PCDH9: variants seen among roughly 807,000 people sequenced by gnomAD.
The protein encoded by PCDH9 is protocadherin 9.
In PCDH9, 24 loss-of-function variants were observed where a neutral mutation model predicts 70.6. The observed-to-expected ratio is 0.34, with a 90% CI of 0.25 to 0.48. PCDH9 has a LOEUF of 0.48. Ranked by LOEUF, PCDH9 falls within the 20% of genes least tolerant of loss-of-function variation. The probability of loss-of-function intolerance (pLI) is 0.99; values close to 1 mark genes in which losing one functional copy is unlikely to be tolerated. For synonymous variants in PCDH9, 562 were observed against 558.5 expected (o/e 1.01, Z -0.09); for missense variants, 1,281 against 1,503.6 (o/e 0.85, Z 2.45).
chr13:66,304,260 C>CAAAAAAAAAAAAAAAA lies in PCDH9; in HGVS notation c.*379_*394dup, dbSNP rs55837718. The CAAAAAAAAAAAAAAAA allele has an allele frequency of 1.5e-4, 10 of 65,364 alleles. 2 individuals carry two copies. Among genetic ancestry groups the CAAAAAAAAAAAAAAAA allele is most frequent in the Admixed American group, 2.3e-4 (1 of 4,440 alleles). 4.0% of individuals were successfully genotyped at this position (65,364 alleles called of 1,614,324 possible). On this transcript the variant is annotated 3_prime_UTR_variant, in exon 5 of 5. Transcript: ENST00000377865. ...TAGCAGTCCCAGCACAAATCAATGA[C>CAAAAAAAAAAAAAAAA]AAAAAAAAAAAAAAAAAAAAAAAAA... is the stretch of plus-strand genomic sequence containing the variant.
rs559195402 is a variant in PCDH9, at chr13:67,099,384, T to C, written c.3036+126021A>G. On this transcript the variant is annotated intron_variant, in intron 2 of 4. Transcript: ENST00000377865. ...ATGGATTTTTCAATCTGCCATTCAA[T>C]TTGTAAATATGCAAATTAATGAGGT... 2.6e-5 allele frequency among the ~76,000 whole-genome samples: 4 copies of C among 152,318 alleles called. No homozygotes were observed. In the South Asian group the frequency reaches 6.2e-4, roughly 24 times the overall value.
In PCDH9 at chr13:66,304,271, A is replaced by AC. The variant is rs1955421839; in HGVS notation, c.*383_*384insG. On this transcript the variant is annotated 3_prime_UTR_variant, in exon 5 of 5. Coordinates refer to ENST00000377865, the MANE Select transcript of PCDH9 (RefSeq NM_203487.3). ...GCACAAATCAATGACAAAAAAAAAA[A>AC]AAAAAAAAAAAAAAAGCACAATTTT... is the stretch of plus-strand genomic sequence containing the variant. The AC allele has an allele frequency of 6.2e-6, 1 of 160,634 alleles. No individual in the cohort carries two copies. The highest frequency in any genetic ancestry group is 2.4e-5 in the African/African-American group (1 of 41,194). 10.0% of individuals were successfully genotyped at this position (160,634 alleles called of 1,614,324 possible).
intron 2 of PCDH9, chr13:67,205,755 C>T (rs945029288): frequency 1.3e-4 from 20 of 152,106 alleles, no homozygotes; most frequent in African/African-American, 4.6e-4. Flanking sequence ...TCATTTTAAC[C>T]TTTAAATGGA....
intron 2 of PCDH9, among the ~76,000 whole-genome samples, chr13:67,006,910 A>T (rs1164992097): frequency 6.6e-6 from 1 of 152,184 alleles, no homozygotes; most frequent in Non-Finnish European, 1.5e-5. Flanking sequence ...TTTTGCAAAC[A>T]TAGAATTCCA....
At chr13:66,404,417 G>C (rs1014172611) in intron 4 of PCDH9, among the ~76,000 whole-genome samples, 8 of 152,100 alleles carry the variant, frequency 5.3e-5, no homozygotes, top group African/African-American at 1.9e-4. Context: ...TAAGGGAAGG[G>C]GGAGTTTCCA....
chr13:66,564,884 T>C (rs2076630483), intron 4 of PCDH9, among the ~76,000 whole-genome samples: 2 of 152,058 alleles, frequency 1.3e-5, no homozygotes, highest in Admixed American at 6.5e-5. Flanking sequence ...TTTTAATTTT[T>C]GATACCCTGA....
chr13:66,534,907 A>G (rs886515221), intron 4 of PCDH9, among the ~76,000 whole-genome samples: 1 of 152,148 alleles, frequency 6.6e-6, no homozygotes, highest in Non-Finnish European at 1.5e-5. Flanking sequence ...AGCTATAGTT[A>G]TTAATACCTG....
intron 4 of PCDH9, among the ~76,000 whole-genome samples, chr13:66,417,955 T>G (rs2138340396): frequency 6.6e-6 from 1 of 152,284 alleles, no homozygotes; most frequent in East Asian, 1.9e-4. Flanking sequence ...ACTCTGTAGG[T>G]TTTCTGTTCA....
At chr13:66,371,830 T>C (rs1040545733) in intron 4 of PCDH9, among the ~76,000 whole-genome samples, 1 of 152,114 alleles carries the variant, frequency 6.6e-6, no homozygotes, top group Admixed American at 6.6e-5. Context: ...CAGAGCTTTG[T>C]TGCAGAAGTC....
At chr13:66,947,458 T>A (rs773651081) in intron 2 of PCDH9, among the ~76,000 whole-genome samples, 5 of 152,102 alleles carry the variant, frequency 3.3e-5, no homozygotes, top group Non-Finnish European at 5.9e-5. Flanking sequence ...TAATGACAAA[T>A]ACACGGATTA....
intron 3 of PCDH9, among the ~76,000 whole-genome samples, chr13:66,670,954 T>C (rs2078166420): frequency 6.6e-6 from 1 of 151,034 alleles, no homozygotes; most frequent in Non-Finnish European, 1.5e-5. Flanking sequence ...GGTGATATGG[T>C]TTGGCTTTGT....
chr13:66,651,556 T>C (rs9540856), intron 3 of PCDH9, among the ~76,000 whole-genome samples: 144,008 of 152,134 alleles, frequency 0.95, 68,699 homozygotes, highest in East Asian at 1. Flanking sequence ...GACCCAATGA[T>C]TTCACCATTG....
chr13:67,116,673 T>C (rs552508561), intron 2 of PCDH9, among the ~76,000 whole-genome samples: 1 of 152,314 alleles, frequency 6.6e-6, no homozygotes, highest in East Asian at 1.9e-4. Flanking sequence ...GCTAGCAGTA[T>C]TGATAAAATC....
chr13:66,833,230 T>C (rs149610018), intron 3 of PCDH9, among the ~76,000 whole-genome samples: 2,477 of 152,310 alleles, frequency 0.016, 81 homozygotes, highest in African/African-American at 0.056. Context: ...TTACATAATA[T>C]GCCCAAACTT....
At chr13:66,915,933 G>A (rs2082549813) in intron 2 of PCDH9, among the ~76,000 whole-genome samples, 1 of 151,636 alleles carries the variant, frequency 6.6e-6, no homozygotes, top group Non-Finnish European at 1.5e-5. Flanking sequence ...GTGCTTGCAA[G>A]TAAGAATTTG....
chr13:67,147,938 CTA>C (rs2087563074), intron 2 of PCDH9, among the ~76,000 whole-genome samples: 1 of 152,136 alleles, frequency 6.6e-6, no homozygotes, highest in African/African-American at 2.4e-5. Flanking sequence ...CAGGATAAAA[CTA>C]TCATATCCTT....
intron 3 of PCDH9, among the ~76,000 whole-genome samples, chr13:66,857,609 T>C (rs2081415777): frequency 6.6e-6 from 1 of 152,100 alleles, no homozygotes; most frequent in African/African-American, 2.4e-5. Flanking sequence ...TAATATAAAG[T>C]ACATATTTTT....
chr13:66,663,659 G>A (rs547854107), intron 3 of PCDH9, among the ~76,000 whole-genome samples: 43 of 152,196 alleles, frequency 2.8e-4, no homozygotes, highest in African/African-American at 1.0e-3. Context: ...TGAACCAGAC[G>A]CATGGAGAGA....
chr13:67,040,973 A>G (rs574414330), intron 2 of PCDH9, among the ~76,000 whole-genome samples: 1 of 152,298 alleles, frequency 6.6e-6, no homozygotes, highest in Non-Finnish European at 1.5e-5. Context: ...GCATGGCTGA[A>G]GAAAGAAATT....
Sources: gnomAD v4.1 joint callset for allele counts (sites outside exome capture counted in the v4.1 genomes callset) on GRCh38, gnomAD v4.1.1 for gene constraint, MANE v1.5 for transcripts, NCBI Gene and HGNC (gene_info 2026-07-23, HGNC 2026-07-21) for gene names.